Variants in FAM47E observed in about 807,000 individuals in gnomAD.
The protein encoded by FAM47E is family with sequence similarity 47 member E.
Under a neutral mutation model 41.6 loss-of-function variants are expected in FAM47E, and 32 were observed. The observed-to-expected ratio is 0.77, with a 90% CI of 0.58 to 1.03. The LOEUF (loss-of-function observed/expected upper bound fraction) is 1.03, where lower values mean the gene tolerates loss of function less well. Among genes scored for constraint, FAM47E ranks in the 50% least tolerant of loss-of-function variants. The pLI is 0.00. For missense variants in FAM47E, 424 were observed against 485.4 expected (o/e 0.87, Z 1.19); for synonymous variants, 184 against 188.7 (o/e 0.98, Z 0.20).
At chr4:76,220,148 T>C (rs981675417) in intron 2 of FAM47E, among the ~76,000 whole-genome samples, 1 of 152,158 alleles carries the variant, frequency 6.6e-6, no homozygotes, top group Non-Finnish European at 1.5e-5. Context: ...CTAGCAACTC[T>C]CTTCCTAGGT....
At chr4:76,243,530 T>G (rs1733755417) in intron 2 of FAM47E, among the ~76,000 whole-genome samples, 1 of 152,202 alleles carries the variant, frequency 6.6e-6, no homozygotes, top group South Asian at 2.1e-4. Context: ...TGCCACCAAG[T>G]AACTATTTTT....
intron 2 of FAM47E, chr4:76,236,242 T>C (rs1024573447): frequency 1.3e-5 from 2 of 152,234 alleles, no homozygotes; most frequent in Non-Finnish European, 2.9e-5. Flanking sequence ...TGTTAAATGA[T>C]TCACTCCAGT....
intron 3 of FAM47E, among the ~76,000 whole-genome samples, chr4:76,264,457 T>A (rs984374970): frequency 6.6e-6 from 1 of 151,964 alleles, no homozygotes; most frequent in Non-Finnish European, 1.5e-5. Context: ...TTGACCCTTC[T>A]CAAAGCATTA....
chr4:76,216,876 G>A (rs1733217571), intron 1 of FAM47E, among the ~76,000 whole-genome samples: 1 of 152,194 alleles, frequency 6.6e-6, no homozygotes, highest in Non-Finnish European at 1.5e-5. Flanking sequence ...AGAAAATAAT[G>A]TATGTTCCCA....
chr4:76,251,886 C>T, intron 1 of FAM47E, 66 bp downstream of exon 1: 1 of 1,354,842 alleles, frequency 7.4e-7, no homozygotes, highest in African/African-American at 1.5e-5. Context: ...CCTGGAGACC[C>T]GCGCTTGCTG....
chr4:76,231,035 C>T (rs745799527), intron 2 of FAM47E, among the ~76,000 whole-genome samples: 3 of 152,218 alleles, frequency 2.0e-5, no homozygotes, highest in African/African-American at 7.2e-5. Context: ...GAGTTTGGAA[C>T]AAAAATGTGT....
chr4:76,224,308 C>T (rs574422962), intron 2 of FAM47E, among the ~76,000 whole-genome samples: 6 of 152,310 alleles, frequency 3.9e-5, no homozygotes, highest in African/African-American at 1.2e-4. Flanking sequence ...TAAAACTTCT[C>T]ATATCTTTAT....
At chr4:76,270,738 C>A (rs1249045349) in intron 4 of FAM47E, among the ~76,000 whole-genome samples, 2 of 152,190 alleles carry the variant, frequency 1.3e-5, no homozygotes, top group Non-Finnish European at 2.9e-5. Flanking sequence ...TCTTTACTGT[C>A]ATCCCACAAG....
intron 7 of FAM47E, 77 bp downstream of exon 7, chr4:76,280,418 C>T: frequency 1.3e-6 from 1 of 777,834 alleles, no homozygotes; most frequent in East Asian, 2.7e-5. Context: ...GAGGTTATGA[C>T]CCTGACAAAC....
Position 76,283,369 on chromosome 4 carries a change from A to T in FAM47E, c.1105-12A>T. The T allele has an allele frequency of 7.2e-7, 1 of 1,397,294 alleles. No individual in the cohort carries two copies. The highest frequency in any genetic ancestry group is 9.8e-7 in the Non-Finnish European group (1 of 1,024,390). 86.6% of individuals were successfully genotyped at this position (1,397,294 alleles called of 1,614,324 possible). A position where few individuals can be genotyped will look rare whatever the true frequency, so the allele number is the denominator to read the frequency against. ...TTGCCAATCTAATGAAGGTTCTCTC[A>T]TTTTTTTTTAGTTCCTTGAGAATAT... On this transcript the variant is annotated splice_polypyrimidine_tract_variant and intron_variant, in intron 7 of 7. Coordinates refer to ENST00000424749, the MANE Select transcript of FAM47E (RefSeq NM_001136570.3).
At chr4:76,280,866 T>C (rs17237174) in intron 7 of FAM47E, 27,300 of 152,622 alleles carry the variant, frequency 0.18, 2,623 homozygotes, top group Middle Eastern at 0.25. Flanking sequence ...TTCTGTCTTT[T>C]TTCCCTTTCT....
At chr4:76,276,355 C>CTTTTTGTTTTGTTTTTTTTG (rs372327970) in intron 5 of FAM47E, among the ~76,000 whole-genome samples, 2 of 97,844 alleles carry the variant, frequency 2.0e-5, no homozygotes, top group South Asian at 3.6e-4. Context: ...GAGGGGGTTA[C>CTTTTTGTTTTGTTTTTTTTG]TTTTTTTTGT....
intron 5 of FAM47E, among the ~76,000 whole-genome samples, chr4:76,273,783 C>T (rs970114588): frequency 2.0e-5 from 3 of 152,014 alleles, no homozygotes; most frequent in Non-Finnish European, 4.4e-5. Context: ...TTTTACAGCT[C>T]ACCACTGCTC....
At chr4:76,275,861 C>T (rs905446070) in intron 5 of FAM47E, among the ~76,000 whole-genome samples, 2 of 152,092 alleles carry the variant, frequency 1.3e-5, no homozygotes, top group African/African-American at 2.4e-5. Flanking sequence ...TTCAGTGGTT[C>T]ACATCTGAGG....
chr4:76,281,976 AT>A (rs1014189292), intron 7 of FAM47E: 3 of 152,252 alleles, frequency 2.0e-5, no homozygotes, highest in African/African-American at 7.2e-5. Flanking sequence ...TTAGTGAGAG[AT>A]TTAGGGTCAT....
chr4:76,275,815 C>A (rs1237683502), intron 5 of FAM47E, among the ~76,000 whole-genome samples: 1 of 152,204 alleles, frequency 6.6e-6, no homozygotes, highest in Non-Finnish European at 1.5e-5. Context: ...CTCCTTCTCC[C>A]CTTTCTACCC....
At chr4:76,238,143 T>C (rs1733626631) in intron 2 of FAM47E, among the ~76,000 whole-genome samples, 2 of 152,220 alleles carry the variant, frequency 1.3e-5, no homozygotes, top group East Asian at 3.9e-4. Flanking sequence ...TGGGGAGCCA[T>C]GATCCATAAG....
intron 5 of FAM47E, among the ~76,000 whole-genome samples, chr4:76,277,761 T>C (rs960472260): frequency 6.6e-6 from 1 of 152,184 alleles, no homozygotes; most frequent in African/African-American, 2.4e-5. Context: ...GTTATCTCCA[T>C]TTTACAGATG....
Position 76,239,903 on chromosome 4 carries a change from T to C in FAM47E, c.81+22215T>C, listed in dbSNP as rs72858560. Among the ~76,000 whole-genome samples the C allele has an allele frequency of 9.5e-3, 1,445 of 152,332 alleles. 25 individuals carry two copies. Among genetic ancestry groups the C allele is most frequent in the African/African-American group, 0.033 (1,372 of 41,576 alleles). On this transcript the variant is annotated intron_variant, in intron 2 of 7. Coordinates refer to the FAM47E transcript ENST00000510197. ...ATGGATCTAGTCTGCATTAATTTAATGTAAATGGTATCAGGTAAGGGTCCA... is the reference window on the plus strand; with the variant it reads ...ATGGATCTAGTCTGCATTAATTTAACGTAAATGGTATCAGGTAAGGGTCCA...
Sources: allele counts gnomAD v4.1 joint callset (sites outside exome capture counted in the v4.1 genomes callset), GRCh38; gene constraint gnomAD v4.1.1; transcripts MANE v1.5; gene names NCBI Gene and HGNC (gene_info 2026-07-23, HGNC 2026-07-21).